ATAD3C: variants seen among roughly 807,000 people sequenced by gnomAD.
The protein encoded by ATAD3C is ATPase family AAA domain containing 3C.
Under a neutral mutation model 46.3 loss-of-function variants are expected in ATAD3C, and 38 were observed. The ratio of observed to expected loss-of-function variants is 0.82; its 90% confidence interval spans 0.63 to 1.08. The LOEUF (loss-of-function observed/expected upper bound fraction) is 1.08. Among genes scored for constraint, ATAD3C ranks in the 50% least tolerant of loss-of-function variants. The pLI, the probability that ATAD3C is intolerant of heterozygous loss-of-function variation, is 0.00. For missense variants in ATAD3C, 563 were observed against 572.7 expected (o/e 0.98, Z 0.17); for synonymous variants, 220 against 236.4 (o/e 0.93, Z 0.63).
In ATAD3C at chr1:1,468,547, C is replaced by G. The variant is rs1487133175; in HGVS notation, c.*17C>G. The G allele has an allele frequency of 6.3e-7, 1 of 1,594,932 alleles. No homozygotes were observed. On this transcript the variant is annotated 3_prime_UTR_variant, in exon 12 of 12. Coordinates refer to ENST00000378785, the MANE Select transcript of ATAD3C (RefSeq NM_001039211.3). ...TCATCCTGAGTCCATGGGGAGACCA[C>G]ACCTCACGGAGCCTGGCCGCGGACC...
chr1:1,450,470 C>G lies in ATAD3C; in HGVS notation c.-214C>G, dbSNP rs1005736496. The G allele has an allele frequency of 4.4e-5, 28 of 637,084 alleles. No homozygotes were observed. Among genetic ancestry groups the G allele is most frequent in the African/African-American group, 1.3e-4 (7 of 54,866 alleles). 39.5% of individuals were successfully genotyped at this position (637,084 alleles called of 1,614,324 possible). A position where few individuals can be genotyped will look rare whatever the true frequency, so the allele number is the denominator to read the frequency against. ...GCTCTCCAAGACCATCCCTGGAGGG[C>G]ATAAAACCTCACAAATGCATCAGGC... On this transcript the variant is annotated 5_prime_UTR_variant, in exon 1 of 12. Transcript: ENST00000378785.
At position 1,450,388 on chromosome 1, in the gene ATAD3C, T is replaced by A; in HGVS notation, c.-296T>A. The A allele has an allele frequency of 2.6e-6, 1 of 381,480 alleles. No homozygotes were observed. 23.6% of individuals were successfully genotyped at this position (381,480 alleles called of 1,614,324 possible). ...GGACACTTTAGCCATCGCCTGACTTTCTGTTGAATTGGGAAAGAGCCTCCT... is the reference window on the plus strand; with the variant it reads ...GGACACTTTAGCCATCGCCTGACTTACTGTTGAATTGGGAAAGAGCCTCCT... On this transcript the variant is annotated 5_prime_UTR_variant, in exon 1 of 12. Coordinates refer to ENST00000378785, the MANE Select transcript of ATAD3C (RefSeq NM_001039211.3).
rs1639028260 is a variant in ATAD3C at position 1,459,948 on chromosome 1, T to A, written c.812+717T>A. On this transcript the variant is annotated intron_variant, in intron 9 of 11. Transcript: ENST00000378785. This position sits in a 1 kb window ranked among gnomAD's most constrained non-coding sequence, Gnocchi z 4.9. ...CACGTTGGGCTCCTGGGTCAGCTGC[T>A]GCCGGTAGACGCTCCCTGGAGCCCT... Among the ~76,000 whole-genome samples the A allele has an allele frequency of 6.6e-6, 1 of 152,026 alleles. No individual in the cohort carries two copies. The highest frequency in any genetic ancestry group is 1.5e-5 in the Non-Finnish European group (1 of 67,976).
chr1:1,462,489 C>A lies in ATAD3C; in HGVS notation c.981-111C>A. On this transcript the variant is annotated intron_variant, in intron 10 of 11. Coordinates refer to ENST00000378785, the MANE Select transcript of ATAD3C (RefSeq NM_001039211.3). The surrounding 1 kb of genome is among the most constrained non-coding windows in gnomAD (Gnocchi z 4.5). ...TGGCTGTCACAGGTAGAGAGTCCCT[C>A]TCAAGGGGGCATCTGGCATGGGTGT... The A allele has an allele frequency of 8.7e-7, 1 of 1,151,482 alleles. No homozygotes were observed. The highest frequency in any genetic ancestry group is 1.3e-6 in the Non-Finnish European group (1 of 792,886). 71.3% of individuals were successfully genotyped at this position (1,151,482 alleles called of 1,614,324 possible). A position where few individuals can be genotyped will look rare whatever the true frequency, so the allele number is the denominator to read the frequency against.
rs777757826 is a variant in ATAD3C at position 1,457,595 on chromosome 1, C to CAAAA, written c.741+431_741+434dup. Among the ~76,000 whole-genome samples, 31 of 36,414 alleles carry CAAAA rather than the reference C, an allele frequency of 8.5e-4. 2 individuals are homozygous for CAAAA. Among genetic ancestry groups the CAAAA allele is most frequent in the African/African-American group, 3.5e-3 (26 of 7,362 alleles). 23.9% of individuals were successfully genotyped at this position (36,414 alleles called of 152,430 possible). A position where few individuals can be genotyped will look rare whatever the true frequency, so the allele number is the denominator to read the frequency against. On this transcript the variant is annotated intron_variant, in intron 8 of 11. Transcript: ENST00000378785. ...TGGGCGACACAGCGAGACTTCATCT[C>CAAAA]AAAAAAAAAAAAAAAAAAACAAAAA...
chr1:1,451,738 C>T (rs3845298), intron 1 of ATAD3C, among the ~76,000 whole-genome samples: 11,060 of 152,060 alleles, frequency 0.073, 1,177 homozygotes, highest in East Asian at 0.47. Flanking sequence ...AAGACAGAAG[C>T]TTCCTTAAGC....
At chr1:1,461,780 C>T (rs535301947) in intron 10 of ATAD3C, among the ~76,000 whole-genome samples, 3 of 152,064 alleles carry the variant, frequency 2.0e-5, no homozygotes, top group Non-Finnish European at 2.9e-5. Context: ...GGGAGAGGCT[C>T]CTCATGGTCC....
chr1:1,454,851 CA>C (rs1300729537), intron 4 of ATAD3C, among the ~76,000 whole-genome samples: 10 of 151,984 alleles, frequency 6.6e-5, no homozygotes, highest in Admixed American at 1.3e-4. Context: ...CGCCGTTTGC[CA>C]GCCCCCAAGG....
chr1:1,457,291 G>C (rs765441144), intron 8 of ATAD3C, 111 bp downstream of exon 8: 1 of 1,558,574 alleles, frequency 6.4e-7, no homozygotes, highest in African/African-American at 1.4e-5. Flanking sequence ...TCTAAGTTTT[G>C]TGTGAAAAAC....
rs1639217859 is a variant in ATAD3C, at chr1:1,469,985, C to T, written c.*1455C>T. ...AGAAGGTTCTTTGTCATTCTCCCCACCCTTGAGAATGTACTTTGTGAGATC... is the reference window on the plus strand; with the variant it reads ...AGAAGGTTCTTTGTCATTCTCCCCATCCTTGAGAATGTACTTTGTGAGATC... On this transcript the variant is annotated 3_prime_UTR_variant, in exon 12 of 12. Coordinates refer to ENST00000378785, the MANE Select transcript of ATAD3C (RefSeq NM_001039211.3). 1 of 151,932 alleles carries T rather than the reference C, an allele frequency of 6.6e-6. No homozygotes were observed. The highest frequency in any genetic ancestry group is 2.4e-5 in the African/African-American group (1 of 41,358). 9.4% of individuals were successfully genotyped at this position (151,932 alleles called of 1,614,324 possible). A position where few individuals can be genotyped will look rare whatever the true frequency, so the allele number is the denominator to read the frequency against.
rs904438519 is a variant in ATAD3C, at chr1:1,468,977, TTGA to T, written c.*453_*455del. On this transcript the variant is annotated 3_prime_UTR_variant, in exon 12 of 12. Coordinates refer to ENST00000378785, the MANE Select transcript of ATAD3C (RefSeq NM_001039211.3). ...GCTTTGCAGCTAGTCCCTGCAAACC[TTGA>T]TGATGGGGCTGGGCGCGGTGGCTCA... The T allele has an allele frequency of 1.1e-5, 2 of 184,670 alleles. No homozygotes were observed. The highest frequency in any genetic ancestry group is 2.4e-5 in the African/African-American group (1 of 41,426). The allele number at this position is 184,670 out of a possible 1,614,324, so 11.4% of individuals were successfully genotyped here.
rs756395476 is a variant in ATAD3C at position 1,455,814 on chromosome 1, C to T, written c.462C>T (p.Arg154=). ...AGCCCAGCCTGGAAGCACGGGTGCG[C>T]GACATCGCCATAATGACAAGGAACA... The part of the protein sequence containing the change: ...VLSPSLEARV[R]DIAIMTRNIK... Residue 154 remains arginine (R), a synonymous_variant, in exon 6 of 12, where the codon CGC becomes CGT. Coordinates refer to ENST00000378785, the MANE Select transcript of ATAD3C (RefSeq NM_001039211.3). 1.4e-5 allele frequency: 23 copies of T among 1,613,304 alleles called. No homozygotes were observed. The highest frequency in any genetic ancestry group is 2.2e-5 in the South Asian group (2 of 91,018).
In ATAD3C at chr1:1,455,572, G is replaced by A. The variant is rs1638945262; in HGVS notation, c.438+53G>A. On this transcript the variant is annotated intron_variant, in intron 5 of 11. Coordinates refer to ENST00000378785, the MANE Select transcript of ATAD3C (RefSeq NM_001039211.3). ...GGCGCAGGGAGGGGACCCCGGAGCT[G>A]GGCTGGGCTGTGGCCCTTGCTGGCG... The A allele has an allele frequency of 6.2e-6, 10 of 1,610,214 alleles. No individual in the cohort carries two copies. The South Asian group carries it at 1.1e-4, about 18-fold the overall frequency.
At position 1,455,457 on chromosome 1, in the gene ATAD3C, C is replaced by T. The variant is rs371287399; in HGVS notation, c.379-3C>T. 2.2e-5 allele frequency: 36 copies of T among 1,611,856 alleles called. 1 individual carries two copies. Among genetic ancestry groups the T allele is most frequent in the Admixed American group, 3.3e-5 (2 of 59,866 alleles). On this transcript the variant is annotated splice_polypyrimidine_tract_variant and splice_region_variant and intron_variant, in intron 4 of 11. Coordinates refer to ENST00000378785, the MANE Select transcript of ATAD3C (RefSeq NM_001039211.3). The stretch of plus-strand genomic sequence containing the variant: ...CCCAATGGTGCTTCCCCTTCCCCTC[C>T]AGCAGGTCAGCCGGCGGCTCCTCAG...
intron 2 of ATAD3C, 116 bp downstream of exon 2, chr1:1,452,238 G>C: frequency 6.3e-7 from 1 of 1,580,132 alleles, no homozygotes; most frequent in Non-Finnish European, 8.6e-7. Context: ...TGGCTCCTTG[G>C]TGGGGACACT....
intron 9 of ATAD3C, among the ~76,000 whole-genome samples, 168 bp from the exon 10 acceptor site, chr1:1,460,582 G>GC (rs1291378398): frequency 3.3e-5 from 5 of 152,072 alleles, no homozygotes; most frequent in Non-Finnish European, 7.4e-5. Context: ...GGGCAGGCAG[G>GC]CGGGTGACCA....
chr1:1,454,636 G>C, intron 4 of ATAD3C, 136 bp downstream of exon 4: 1 of 1,419,228 alleles, frequency 7.0e-7, no homozygotes, highest in Non-Finnish European at 9.3e-7. Context: ...TGCTTCACGG[G>C]TGGGTTTTCC....
chr1:1,457,621 A>C lies in ATAD3C; in HGVS notation c.741+441A>C, dbSNP rs1448266074. ...AAAAAAAAAAAAAAAAAAACAAAAA[A>C]AACAGCATTTTTTTAGGTCAGCTTA... On this transcript the variant is annotated intron_variant, in intron 8 of 11. Coordinates refer to ENST00000378785, the MANE Select transcript of ATAD3C (RefSeq NM_001039211.3). Among the ~76,000 whole-genome samples the C allele has an allele frequency of 5.8e-4, 87 of 150,778 alleles. 1 individual carries two copies. Among genetic ancestry groups the C allele is most frequent in the African/African-American group, 2.0e-3 (80 of 40,844 alleles).
At chr1:1,456,903 G>T (rs904842518) in intron 7 of ATAD3C, among the ~76,000 whole-genome samples, 1 of 151,952 alleles carries the variant, frequency 6.6e-6, no homozygotes, top group African/African-American at 2.4e-5. Flanking sequence ...TGGACTCTAA[G>T]CGGCCACCAG....
Sources: gnomAD v4.1 joint callset for allele counts (sites outside exome capture counted in the v4.1 genomes callset) on GRCh38, gnomAD v4.1.1 for gene constraint, Gnocchi (gnomAD v3.1) non-coding constraint, MANE v1.5 for transcripts, NCBI Gene and HGNC (gene_info 2026-07-23, HGNC 2026-07-21) for gene names.